BICC1: variants seen among roughly 807,000 people sequenced by gnomAD.
BICC1 encodes the protein protein bicaudal C homolog 1.
A neutral mutation model predicts 111.0 loss-of-function variants in BICC1; 43 were observed. The observed-to-expected ratio is 0.39, with a 90% CI of 0.30 to 0.50. The LOEUF is 0.50. Among genes scored for constraint, BICC1 ranks in the 20% least tolerant of loss-of-function variants. The pLI, the probability that BICC1 is intolerant of heterozygous loss-of-function variation, is 0.88. For missense variants in BICC1, 1,091 were observed against 1,203.2 expected (o/e 0.91, Z 1.38); for synonymous variants, 467 against 434.4 (o/e 1.07, Z -0.93).
intron 8 of BICC1, among the ~76,000 whole-genome samples, chr10:58,792,399 G>A (rs1843209664): frequency 6.6e-6 from 1 of 152,096 alleles, no homozygotes; most frequent in African/African-American, 2.4e-5. Context: ...GTTAAGGCAG[G>A]GGTCCTCAAT....
intron 1 of BICC1, among the ~76,000 whole-genome samples, chr10:58,578,701 T>A (rs1298937083): frequency 6.6e-6 from 1 of 152,114 alleles, no homozygotes; most frequent in African/African-American, 2.4e-5. Context: ...GCTTCTGGCA[T>A]AATTGCGAGA....
At chr10:58,764,967 C>A (rs1232850477) in intron 3 of BICC1, among the ~76,000 whole-genome samples, 1 of 152,138 alleles carries the variant, frequency 6.6e-6, no homozygotes, top group African/African-American at 2.4e-5. Flanking sequence ...AGAAAGTTTT[C>A]TTTTCCTCTT....
intron 1 of BICC1, among the ~76,000 whole-genome samples, chr10:58,560,661 T>G (rs1304412024): frequency 6.6e-6 from 1 of 152,110 alleles, no homozygotes; most frequent in African/African-American, 2.4e-5. Context: ...ATTTCAGGTC[T>G]TGCCACTGTT....
chr10:58,624,058 A>G (rs373326863), intron 2 of BICC1, among the ~76,000 whole-genome samples: 3 of 152,218 alleles, frequency 2.0e-5, no homozygotes, highest in African/African-American at 7.2e-5. Context: ...GGGTGGCTTA[A>G]CTGTGGGAGG....
At chr10:58,665,868 C>T (rs1192949911) in intron 2 of BICC1, among the ~76,000 whole-genome samples, 2 of 152,100 alleles carry the variant, frequency 1.3e-5, no homozygotes, top group East Asian at 3.8e-4. Flanking sequence ...ATTTTATAAC[C>T]TTGCAAAAGT....
intron 3 of BICC1, among the ~76,000 whole-genome samples, chr10:58,706,406 A>G (rs1840388508): frequency 6.6e-6 from 1 of 152,226 alleles, no homozygotes; most frequent in African/African-American, 2.4e-5. Flanking sequence ...TGTGAGCTTC[A>G]TGATGCTAGA....
At chr10:58,814,117 T>C in intron 18 of BICC1, 131 bp downstream of exon 18, 1 of 1,041,574 alleles carries the variant, frequency 9.6e-7, no homozygotes, top group Non-Finnish European at 1.5e-6. Context: ...ATCTCCTCTG[T>C]GAAGCCTCCT....
At chr10:58,626,943 A>G (rs1837649260) in intron 2 of BICC1, among the ~76,000 whole-genome samples, 1 of 152,182 alleles carries the variant, frequency 6.6e-6, no homozygotes, top group Non-Finnish European at 1.5e-5. Flanking sequence ...CGTCTCTGAT[A>G]AAAATACAAA....
intron 1 of BICC1, among the ~76,000 whole-genome samples, chr10:58,554,136 G>A (rs1465530091): frequency 6.6e-6 from 1 of 152,052 alleles, no homozygotes; most frequent in African/African-American, 2.4e-5. Context: ...GGTGATAGGT[G>A]GAAGGCAGGA....
chr10:58,567,953 G>T (rs1178098452), intron 1 of BICC1, among the ~76,000 whole-genome samples: 1 of 152,092 alleles, frequency 6.6e-6, no homozygotes, highest in Non-Finnish European at 1.5e-5. Context: ...GGAGGTTTAT[G>T]TGATCAAAAT....
chr10:58,728,895 C>CT (rs527952530), intron 3 of BICC1, among the ~76,000 whole-genome samples: 4 of 151,888 alleles, frequency 2.6e-5, no homozygotes, highest in African/African-American at 9.7e-5. Context: ...AAAAAGGAAT[C>CT]TTTTTTTTCT....
chr10:58,588,399 C>G (rs1481915880), intron 1 of BICC1, among the ~76,000 whole-genome samples: 1 of 152,122 alleles, frequency 6.6e-6, no homozygotes, highest in Non-Finnish European at 1.5e-5. Context: ...ATTTGGGGTC[C>G]TCATATGCAT....
chr10:58,743,450 A>G (rs1235494474), intron 3 of BICC1, among the ~76,000 whole-genome samples: 1 of 137,320 alleles, frequency 7.3e-6, no homozygotes, highest in Non-Finnish European at 1.5e-5. Flanking sequence ...TTATTTCTCT[A>G]CCACCATTTG....
At chr10:58,718,284 A>G (rs376764525) in intron 3 of BICC1, among the ~76,000 whole-genome samples, 92 of 152,154 alleles carry the variant, frequency 6.0e-4, no homozygotes, top group African/African-American at 2.1e-3. Flanking sequence ...ATGTCTTCAC[A>G]TGGTAGAAGG....
At chr10:58,666,268 A>G (rs1839006625) in intron 2 of BICC1, among the ~76,000 whole-genome samples, 1 of 152,224 alleles carries the variant, frequency 6.6e-6, no homozygotes, top group South Asian at 2.1e-4. Context: ...CACAGGTTGA[A>G]CATTCAGCAG....
chr10:58,712,887 T>G (rs1840621196), intron 3 of BICC1, among the ~76,000 whole-genome samples: 1 of 152,160 alleles, frequency 6.6e-6, no homozygotes, highest in Non-Finnish European at 1.5e-5. Context: ...GTATGGGAAT[T>G]CTCTGTACTT....
At chr10:58,615,852 C>T (rs1035859325) in intron 1 of BICC1, among the ~76,000 whole-genome samples, 53 of 152,120 alleles carry the variant, frequency 3.5e-4, no homozygotes, top group African/African-American at 1.2e-3. Flanking sequence ...CGGTCCCCCA[C>T]GAGCATGGAA....
chr10:58,770,960 A>G (rs1842608569), intron 3 of BICC1, among the ~76,000 whole-genome samples: 1 of 152,246 alleles, frequency 6.6e-6, no homozygotes, highest in South Asian at 2.1e-4. Context: ...ACTAATAACT[A>G]ACATTTATGG....
At chr10:58,761,224 A>G (rs1842306748) in intron 3 of BICC1, among the ~76,000 whole-genome samples, 1 of 152,168 alleles carries the variant, frequency 6.6e-6, no homozygotes, top group Non-Finnish European at 1.5e-5. Context: ...TAAGATACAG[A>G]TGAAGGCTAC....
Sources: allele counts gnomAD v4.1 joint callset (sites outside exome capture counted in the v4.1 genomes callset), GRCh38; gene constraint gnomAD v4.1.1; transcripts MANE v1.5; gene names NCBI Gene and HGNC (gene_info 2026-07-23, HGNC 2026-07-21).